TSHR: variants seen among roughly 807,000 people sequenced by gnomAD.
The protein encoded by TSHR is thyrotropin receptor.
In TSHR, 51 loss-of-function variants were observed where a neutral mutation model predicts 64.1. That is an observed-to-expected ratio of 0.80 (90% CI 0.64 to 1.01). The LOEUF is 1.01. Among genes scored for constraint, TSHR ranks in the 50% least tolerant of loss-of-function variants. The pLI, the probability that TSHR is intolerant of heterozygous loss-of-function variation, is 0.00. For missense variants in TSHR, 877 were observed against 942.8 expected, an observed-to-expected ratio of 0.93 and a Z score of 0.91; for synonymous variants, 361 against 361.9, an observed-to-expected ratio of 1.00 and a Z score of 0.03.
chr14:80,977,974 T>G (rs746942585), intron 1 of TSHR, among the ~76,000 whole-genome samples: 7 of 152,140 alleles, frequency 4.6e-5, no homozygotes, highest in Admixed American at 6.5e-5. Context: ...CTGTCAACTT[T>G]ATCTCAGCAT....
chr14:80,971,024 C>T (rs955271956), intron 1 of TSHR, among the ~76,000 whole-genome samples: 9 of 152,152 alleles, frequency 5.9e-5, no homozygotes, highest in Admixed American at 1.3e-4. Flanking sequence ...TTAGTAGAGA[C>T]GGGTGGCCAG....
At chr14:81,075,652 C>T (rs1887447391) in intron 3 of TSHR, among the ~76,000 whole-genome samples, 1 of 126,360 alleles carries the variant, frequency 7.9e-6, no homozygotes, top group Non-Finnish European at 1.6e-5. Flanking sequence ...CCCCTCCCCC[C>T]ACCCCACAAT....
intron 1 of TSHR, among the ~76,000 whole-genome samples, chr14:80,980,117 C>T (rs1888092399): frequency 6.6e-6 from 1 of 152,132 alleles, no homozygotes; most frequent in Non-Finnish European, 1.5e-5. Context: ...TTTTTATATT[C>T]TAGAATTTTA....
At chr14:81,019,550 G>C (rs1216128776) in intron 1 of TSHR, among the ~76,000 whole-genome samples, 1 of 143,758 alleles carries the variant, frequency 7.0e-6, no homozygotes, top group Non-Finnish European at 1.5e-5. Context: ...ATGGCTGTTT[G>C]CTGCACCCAT....
In TSHR at chr14:81,143,278, C is replaced by G. The variant is rs367815744; in HGVS notation, c.1220C>G (p.Pro407Arg). Residue 407 changes from proline to arginine, a missense_variant, in exon 10 of 10, where the codon CCG becomes CGG. By Grantham distance (103) the Pro-to-Arg change is moderately radical. Transcript: ENST00000298171. Reference protein sequence around the residue: ...VCTPKSDEFNPCEDIMGYKFL... With the variant: ...VCTPKSDEFNRCEDIMGYKFL... ...ACCCCCAAGTCCGATGAGTTCAACC[C>G]GTGTGAAGACATAATGGGCTACAAG... 3 of 1,614,110 alleles carry G rather than the reference C, an allele frequency of 1.9e-6. No individual in the cohort carries two copies. The highest frequency in any genetic ancestry group is 2.5e-6 in the Non-Finnish European group (3 of 1,180,018).
chr14:81,021,956 G>A (rs993626445), intron 1 of TSHR, among the ~76,000 whole-genome samples: 2 of 152,124 alleles, frequency 1.3e-5, no homozygotes, highest in African/African-American at 2.4e-5. Flanking sequence ...GGACTTGAAA[G>A]TAGGCTTTTA....
At position 81,049,166 on chromosome 14, in the gene TSHR, T is replaced by TA. The variant is rs1378097243; in HGVS notation, c.171-12974dup. Among the ~76,000 whole-genome samples, 4 of 152,102 alleles carry TA rather than the reference T, an allele frequency of 2.6e-5. 1 individual carries two copies. Among genetic ancestry groups the TA allele is most frequent in the South Asian group, 2.1e-4 (1 of 4,814 alleles). On this transcript the variant is annotated intron_variant, in intron 1 of 9. Coordinates refer to ENST00000298171, the MANE Select transcript of TSHR (RefSeq NM_000369.5). ...GCATATAGTTATTAAAGTGAGATTT[T>TA]AAAAAAAATGTTTGGCTCCCACATT...
rs912278779 is a variant in TSHR, at chr14:80,983,340, C to G, written c.170+27490C>G. On this transcript the variant is annotated intron_variant, in intron 1 of 9. Coordinates refer to ENST00000298171, the MANE Select transcript of TSHR (RefSeq NM_000369.5). ...CATTGTTGCCGGTGACTTTTCAGAG[C>G]TTTTTCATTTGCCATCCTTGAGAAA... 5.5e-6 allele frequency: 6 copies of G among 1,099,918 alleles called. No individual in the cohort carries two copies. In the East Asian group the frequency reaches 1.4e-4, roughly 26 times the overall value. The allele number at this position is 1,099,918 out of a possible 1,614,324, so 68.1% of individuals were successfully genotyped here. A position where few individuals can be genotyped will look rare whatever the true frequency, so the allele number is the denominator to read the frequency against.
chr14:81,031,008 C>T (rs899702847), intron 1 of TSHR, among the ~76,000 whole-genome samples: 3 of 152,050 alleles, frequency 2.0e-5, no homozygotes, highest in Non-Finnish European at 2.9e-5. Flanking sequence ...GTAAAAGCTG[C>T]GGTATAATGG....
chr14:81,022,130 C>A (rs763296216), intron 1 of TSHR, among the ~76,000 whole-genome samples: 8 of 135,606 alleles, frequency 5.9e-5, no homozygotes, highest in Non-Finnish European at 9.4e-5. Flanking sequence ...AAAAGCCAGG[C>A]GTGGTGGTGG....
chr14:81,130,968 G>C (rs1210249732), intron 8 of TSHR, among the ~76,000 whole-genome samples: 5 of 85,016 alleles, frequency 5.9e-5, no homozygotes, highest in Admixed American at 4.9e-4. Flanking sequence ...TCCGCAGTCC[G>C]GCCTGGGCGA....
intron 1 of TSHR, among the ~76,000 whole-genome samples, chr14:81,016,372 G>T (rs1458837492): frequency 6.6e-6 from 1 of 152,168 alleles, no homozygotes; most frequent in Non-Finnish European, 1.5e-5. Flanking sequence ...GTTGATTAAT[G>T]ATGTTGAGCA....
At chr14:80,981,734 C>T (rs1481085287) in intron 1 of TSHR, among the ~76,000 whole-genome samples, 2 of 152,102 alleles carry the variant, frequency 1.3e-5, no homozygotes, top group African/African-American at 4.8e-5. Context: ...GATTGTCGGA[C>T]GACCATCAGC....
chr14:81,070,148 A>G (rs1187627370), intron 3 of TSHR, among the ~76,000 whole-genome samples: 2 of 152,176 alleles, frequency 1.3e-5, no homozygotes, highest in African/African-American at 2.4e-5. Context: ...ACCTATGACT[A>G]GATCCCAAGA....
intron 2 of TSHR, among the ~76,000 whole-genome samples, chr14:81,067,561 CAGGTTCAATT>C (rs1275608474): frequency 6.8e-6 from 1 of 146,532 alleles, no homozygotes; most frequent in Non-Finnish European, 1.5e-5. Context: ...ATATGTATGG[CAGGTTCAATT>C]CAAACTATAG....
rs1891924505 is a variant in TSHR at position 81,146,305 on chromosome 14, A to G, written c.*1952A>G. The G allele has an allele frequency of 1.0e-5, 2 of 192,326 alleles. No homozygotes were observed. Among genetic ancestry groups the G allele is most frequent in the African/African-American group, 4.6e-5 (2 of 43,098 alleles). 11.9% of individuals were successfully genotyped at this position (192,326 alleles called of 1,614,324 possible). ...TTTCTTCCTATGGAATAATCGTGCC[A>G]AGTCCTAGAGTGTTGTTCTTTTTTG... On this transcript the variant is annotated 3_prime_UTR_variant, in exon 10 of 10. Coordinates refer to ENST00000298171, the MANE Select transcript of TSHR (RefSeq NM_000369.5).
chr14:81,096,511 A>G, intron 6 of TSHR, 128 bp from the exon 7 acceptor site: 1 of 846,532 alleles, frequency 1.2e-6, no homozygotes, highest in African/African-American at 1.7e-5. Context: ...CTTGTGGGAT[A>G]CATATGTGGG....
At chr14:81,129,779 C>T (rs772970329) in intron 8 of TSHR, among the ~76,000 whole-genome samples, 9 of 152,176 alleles carry the variant, frequency 5.9e-5, no homozygotes, top group Non-Finnish European at 7.3e-5. Context: ...TCCTCTCTTC[C>T]GTATTTTAAG....
At chr14:81,006,308 C>T (rs544782897) in intron 1 of TSHR, among the ~76,000 whole-genome samples, 1 of 152,250 alleles carries the variant, frequency 6.6e-6, no homozygotes, top group East Asian at 1.9e-4. Flanking sequence ...AGTCCAAGAT[C>T]AAGGTGTAGA....
Sources: allele counts gnomAD v4.1 joint callset (sites outside exome capture counted in the v4.1 genomes callset), GRCh38; gene constraint gnomAD v4.1.1; transcripts MANE v1.5; gene names NCBI Gene and HGNC (gene_info 2026-07-23, HGNC 2026-07-21).